The following EXOC4 variants were observed in gnomAD, a reference collection of about 807,000 sequenced individuals.
EXOC4 encodes exocyst complex component 4, also known as SEC8-like 1.
Under a neutral mutation model 107.2 loss-of-function variants are expected in EXOC4, and 71 were observed. The ratio of observed to expected loss-of-function variants is 0.66; its 90% CI spans 0.55 to 0.81. EXOC4 has a LOEUF of 0.81. Among genes scored for constraint, EXOC4 ranks in the 30% least tolerant of loss-of-function variants. The pLI, the probability that EXOC4 is intolerant of heterozygous loss-of-function variation, is 0.00. For missense variants in EXOC4, 1,108 were observed against 1,189.6 expected (o/e 0.93, Z 1.01); for synonymous variants, 456 against 441.2 (o/e 1.03, Z -0.42).
intron 9 of EXOC4, among the ~76,000 whole-genome samples, chr7:133,575,310 T>G (rs1399975753): frequency 6.6e-6 from 1 of 152,166 alleles, no homozygotes. Flanking sequence ...ACCATGGTGG[T>G]GATAGTGGTG....
intron 10 of EXOC4, among the ~76,000 whole-genome samples, chr7:133,692,940 A>G (rs543070531): frequency 1.6e-4 from 24 of 152,210 alleles, no homozygotes; most frequent in Non-Finnish European, 3.2e-4. Flanking sequence ...CCTATGAAGT[A>G]TGTCCTGTTG....
At chr7:133,593,691 C>A (rs1053210949) in intron 9 of EXOC4, among the ~76,000 whole-genome samples, 2 of 152,194 alleles carry the variant, frequency 1.3e-5, no homozygotes, top group Non-Finnish European at 2.9e-5. Context: ...ATAATCCTTT[C>A]CTCCACTTGT....
At chr7:133,752,882 G>A (rs1795823603) in intron 10 of EXOC4, among the ~76,000 whole-genome samples, 1 of 152,192 alleles carries the variant, frequency 6.6e-6, no homozygotes, top group Non-Finnish European at 1.5e-5. Context: ...CAGTTTCCCA[G>A]TTCTTCTCAA....
At chr7:133,638,141 T>G (rs990213801) in intron 10 of EXOC4, among the ~76,000 whole-genome samples, 1 of 152,204 alleles carries the variant, frequency 6.6e-6, no homozygotes, top group Non-Finnish European at 1.5e-5. Flanking sequence ...ATAGTTATTT[T>G]GTTATTTGTT....
At chr7:133,606,688 G>A (rs1397676195) in intron 9 of EXOC4, among the ~76,000 whole-genome samples, 1 of 151,576 alleles carries the variant, frequency 6.6e-6, no homozygotes, top group Non-Finnish European at 1.5e-5. Flanking sequence ...CTAATTTTTT[G>A]TATTTTTAGT....
intron 10 of EXOC4, among the ~76,000 whole-genome samples, chr7:133,742,072 T>A (rs975126122): frequency 3.3e-5 from 5 of 152,206 alleles, no homozygotes; most frequent in African/African-American, 7.2e-5. Flanking sequence ...CTAAACTACT[T>A]CTGCGGCTGC....
At chr7:133,820,287 C>T (rs923228627) in intron 11 of EXOC4, among the ~76,000 whole-genome samples, 1 of 149,866 alleles carries the variant, frequency 6.7e-6, no homozygotes, top group African/African-American at 2.5e-5. Context: ...GAGAGTTATG[C>T]AGTTTAAAAA....
chr7:133,338,510 G>A (rs1417601289), intron 5 of EXOC4, among the ~76,000 whole-genome samples: 5 of 144,982 alleles, frequency 3.4e-5, no homozygotes. Context: ...GGAGAATGGC[G>A]TGAACCCGGG....
intron 5 of EXOC4, among the ~76,000 whole-genome samples, chr7:133,339,238 G>T (rs886594933): frequency 6.6e-6 from 1 of 151,666 alleles, no homozygotes; most frequent in African/African-American, 2.4e-5. Flanking sequence ...CCATGGTTTT[G>T]TGTGTGTGTG....
chr7:133,534,901 T>C (rs1208395756), intron 9 of EXOC4, among the ~76,000 whole-genome samples: 1 of 152,128 alleles, frequency 6.6e-6, no homozygotes, highest in Non-Finnish European at 1.5e-5. Flanking sequence ...GGAGCTGTTA[T>C]TATCCCATGT....
intron 13 of EXOC4, among the ~76,000 whole-genome samples, chr7:133,932,388 C>A (rs1404908120): frequency 1.3e-5 from 2 of 152,110 alleles, no homozygotes; most frequent in Non-Finnish European, 1.5e-5. Flanking sequence ...ACAAAAAATT[C>A]TTTTTCTCAC....
chr7:134,086,908 C>T, the EXOC4 span, among the ~76,000 whole-genome samples: 1 of 152,260 alleles, frequency 6.6e-6, no homozygotes, highest in South Asian at 2.1e-4. Context: ...CCTGTCATTG[C>T]CATGGCATTT....
the EXOC4 span, among the ~76,000 whole-genome samples, chr7:134,072,767 T>C: frequency 4.6e-5 from 7 of 152,298 alleles, no homozygotes; most frequent in African/African-American, 1.7e-4. Flanking sequence ...AGGCATTCAG[T>C]GCCTGGCATG....
At chr7:133,923,338 A>G (rs765197264) in intron 13 of EXOC4, among the ~76,000 whole-genome samples, 15 of 152,198 alleles carry the variant, frequency 9.9e-5, no homozygotes, top group Non-Finnish European at 2.2e-4. Flanking sequence ...CATATTGGCC[A>G]GGCTAGTCTC....
At chr7:134,019,340 A>C (rs1338753678) in intron 17 of EXOC4, among the ~76,000 whole-genome samples, 6 of 152,200 alleles carry the variant, frequency 3.9e-5, no homozygotes, top group Admixed American at 3.9e-4. Flanking sequence ...TCTCTAAAAC[A>C]AGGAAAGCTC....
chr7:133,419,366 G>A (rs1014845443), intron 7 of EXOC4, among the ~76,000 whole-genome samples: 26 of 152,112 alleles, frequency 1.7e-4, no homozygotes, highest in Admixed American at 2.0e-4. Flanking sequence ...GAAGGAAGAC[G>A]TTTGAAATGC....
chr7:133,752,333 T>TGC (rs1795812003), intron 10 of EXOC4, among the ~76,000 whole-genome samples: 1 of 152,220 alleles, frequency 6.6e-6, no homozygotes, highest in South Asian at 2.1e-4. Context: ...TGCAGAGTCC[T>TGC]AAGTTTTTGG....
intron 3 of EXOC4, among the ~76,000 whole-genome samples, chr7:133,302,290 A>G (rs2150563315): frequency 6.6e-6 from 1 of 152,332 alleles, no homozygotes; most frequent in South Asian, 2.1e-4. Flanking sequence ...ATTTATTTTC[A>G]ATTCTAAAAC....
At position 133,762,422 on chromosome 7, in the gene EXOC4, C is replaced by CT. The variant is rs960536000; in HGVS notation, c.1515-54895dup. On this transcript the variant is annotated intron_variant, in intron 10 of 17. Transcript: ENST00000253861. ...AAAATTGAAAATTAAAATAAGAAACCTTTTTTTTACTTCATCAAATAGTAA... is the reference window on the plus strand; with the variant it reads ...AAAATTGAAAATTAAAATAAGAAACCTTTTTTTTTACTTCATCAAATAGTAA... Among the ~76,000 whole-genome samples, 12 of 151,784 alleles carry CT rather than the reference C, an allele frequency of 7.9e-5. No homozygotes were observed. The East Asian group carries it at 1.2e-3, about 15-fold the overall frequency.
Sources: allele counts gnomAD v4.1 joint callset (sites outside exome capture counted in the v4.1 genomes callset), GRCh38; gene constraint gnomAD v4.1.1; transcripts MANE v1.5; gene names NCBI Gene and HGNC (gene_info 2026-07-23, HGNC 2026-07-21).